RELN: variants seen among roughly 807,000 people sequenced by gnomAD.
RELN encodes the protein reelin.
In RELN, 108 loss-of-function variants were observed where a neutral mutation model predicts 427.6. The observed-to-expected ratio is 0.25, with a 90% CI of 0.22 to 0.30. RELN has a LOEUF of 0.30. Among genes scored for constraint, RELN ranks in the 10% least tolerant of loss-of-function variants. The pLI is 1.00. For synonymous variants in RELN, 1,524 were observed against 1,513.4 expected (o/e 1.01, Z -0.16); for missense variants, 3,715 against 4,302.8 (o/e 0.86, Z 3.82).
In RELN at chr7:103,486,422, G is replaced by T; in HGVS notation, c.9764-6C>A. ...GAAAACAGAGCAGTCATCACCTAGAGGACAAGGAGCAGTCACAGAAATTAA... is the reference window on the plus strand; with the variant it reads ...GAAAACAGAGCAGTCATCACCTAGATGACAAGGAGCAGTCACAGAAATTAA... On this transcript the variant is annotated splice_region_variant and splice_polypyrimidine_tract_variant and intron_variant, in intron 60 of 64. Coordinates refer to ENST00000428762, the MANE Select transcript of RELN (RefSeq NM_005045.4). 1 of 1,609,210 alleles carries T rather than the reference G, an allele frequency of 6.2e-7. No individual in the cohort carries two copies. The highest frequency in any genetic ancestry group is 8.5e-7 in the Non-Finnish European group (1 of 1,175,666).
intron 1 of RELN, among the ~76,000 whole-genome samples, chr7:103,948,282 T>G (rs1048313422): frequency 2.6e-5 from 4 of 152,130 alleles, no homozygotes; most frequent in South Asian, 2.1e-4. Context: ...AACACACACA[T>G]GCACACACAC....
In RELN at chr7:103,989,046, C is replaced by A. The variant is rs569035777; in HGVS notation, c.226+85G>T. The A allele has an allele frequency of 3.0e-5, 37 of 1,216,310 alleles. No individual in the cohort carries two copies. Among genetic ancestry groups the A allele is most frequent in the Non-Finnish European group, 4.5e-5 (37 of 822,136 alleles). The allele number at this position is 1,216,310 out of a possible 1,614,324, so 75.3% of individuals were successfully genotyped here. On this transcript the variant is annotated intron_variant, in intron 1 of 64. Coordinates refer to ENST00000428762, the MANE Select transcript of RELN (RefSeq NM_005045.4). The surrounding 1 kb of genome is among the most constrained non-coding windows in gnomAD (Gnocchi z 4.9). Reference sequence around the variant, plus strand: ...GTTGTCATGGTTCTTGTTTCCAAGGCCCCTTGGAAGAAGGAAAGGGATGAG... The same window carrying A: ...GTTGTCATGGTTCTTGTTTCCAAGGACCCTTGGAAGAAGGAAAGGGATGAG...
At chr7:103,617,476 G>A (rs1404232816) in intron 20 of RELN, among the ~76,000 whole-genome samples, 1 of 151,768 alleles carries the variant, frequency 6.6e-6, no homozygotes, top group Non-Finnish European at 1.5e-5. Flanking sequence ...TTTCATAAAT[G>A]TCTATTGGAC....
chr7:103,576,707 G>T (rs1831011031), intron 28 of RELN, among the ~76,000 whole-genome samples: 1 of 152,100 alleles, frequency 6.6e-6, no homozygotes, highest in Non-Finnish European at 1.5e-5. Context: ...CTATTCACCT[G>T]CGCCTTCCCT....
chr7:103,474,530 G>C (rs960842249), intron 64 of RELN, among the ~76,000 whole-genome samples: 1 of 152,018 alleles, frequency 6.6e-6, no homozygotes, highest in Non-Finnish European at 1.5e-5. Flanking sequence ...ATCAGTTTCA[G>C]TGTCACAGTT....
intron 2 of RELN, among the ~76,000 whole-genome samples, chr7:103,874,958 T>C (rs974168743): frequency 4.1e-5 from 6 of 146,424 alleles, no homozygotes; most frequent in African/African-American, 1.2e-4. Flanking sequence ...CTTCAAACTA[T>C]ACTACAAGGC....
At chr7:103,980,000 A>T (rs985709687) in intron 1 of RELN, among the ~76,000 whole-genome samples, 1 of 152,056 alleles carries the variant, frequency 6.6e-6, no homozygotes, top group Non-Finnish European at 1.5e-5. Context: ...TGTCTCTACT[A>T]AAAATACAAA....
intron 22 of RELN, among the ~76,000 whole-genome samples, chr7:103,607,927 A>G (rs1482394486): frequency 2.6e-5 from 4 of 152,220 alleles, no homozygotes; most frequent in African/African-American, 9.6e-5. Flanking sequence ...TCATTGGGTA[A>G]CAAATGTTCA....
chr7:103,689,307 C>G (rs1450254723), intron 10 of RELN, among the ~76,000 whole-genome samples: 1 of 10,088 alleles, frequency 9.9e-5, no homozygotes, highest in African/African-American at 5.3e-4. Flanking sequence ...GGGAAGATTT[C>G]TTAAAAATAA....
chr7:103,930,868 A>ACGTG (rs1795847276), intron 1 of RELN, among the ~76,000 whole-genome samples: 2 of 141,902 alleles, frequency 1.4e-5, no homozygotes, highest in African/African-American at 5.2e-5. Flanking sequence ...GTGTGAGCAT[A>ACGTG]TGTGTGTGTG....
At chr7:103,506,413 C>T (rs1829213446) in intron 51 of RELN, among the ~76,000 whole-genome samples, 1 of 152,172 alleles carries the variant, frequency 6.6e-6, no homozygotes, top group African/African-American at 2.4e-5. Flanking sequence ...ATTCAACATT[C>T]TTAAAGAAAA....
chr7:103,486,542 A>C, intron 60 of RELN, 126 bp from the exon 61 acceptor site: 1 of 762,584 alleles, frequency 1.3e-6, no homozygotes, highest in South Asian at 1.6e-5. Flanking sequence ...CAAGGAACTT[A>C]AACAACTTTA....
At chr7:103,841,865 A>T (rs1793559388) in intron 2 of RELN, among the ~76,000 whole-genome samples, 1 of 152,130 alleles carries the variant, frequency 6.6e-6, no homozygotes, top group South Asian at 2.1e-4. Context: ...GGATTACTCA[A>T]ATCTCTTTAG....
intron 28 of RELN, 83 bp from the exon 29 acceptor site, chr7:103,575,788 C>T: frequency 6.9e-7 from 1 of 1,441,058 alleles, no homozygotes; most frequent in South Asian, 1.2e-5. Flanking sequence ...CAGAAAAACT[C>T]AACAGAGACT....
At chr7:103,930,906 G>GTGTGTA (rs1795849841) in intron 1 of RELN, among the ~76,000 whole-genome samples, 1 of 143,352 alleles carries the variant, frequency 7.0e-6, no homozygotes, top group Non-Finnish European at 1.5e-5. Flanking sequence ...GTGTGTGTGT[G>GTGTGTA]TGTGTCTCCT....
At position 103,594,500 on chromosome 7, in the gene RELN, A is replaced by T; in HGVS notation, c.3540-8T>A. 1 of 1,613,774 alleles carries T rather than the reference A, an allele frequency of 6.2e-7. No homozygotes were observed. The highest frequency in any genetic ancestry group is 2.2e-5 in the East Asian group (1 of 44,868). On this transcript the variant is annotated splice_region_variant and splice_polypyrimidine_tract_variant and intron_variant, in intron 25 of 64. Transcript: ENST00000428762. ...AGCTCCAGATAGACAAATCTGAATAAAAGTAAATCATTTACGGTTGGGAAA... is the reference window on the plus strand; with the variant it reads ...AGCTCCAGATAGACAAATCTGAATATAAGTAAATCATTTACGGTTGGGAAA...
intron 43 of RELN, 105 bp downstream of exon 43, chr7:103,542,626 G>T (rs1032789320): frequency 1.7e-6 from 2 of 1,173,182 alleles, no homozygotes. Flanking sequence ...TATTTACAAT[G>T]GAAGGCCTTG....
In RELN at chr7:103,594,377, T is replaced by A; in HGVS notation, c.3655A>T (p.Ile1219Phe). 6.2e-7 allele frequency: 1 copy of A among 1,614,026 alleles called. No individual in the cohort carries two copies. The highest frequency in any genetic ancestry group is 8.5e-7 in the Non-Finnish European group (1 of 1,179,934). Residue 1219 changes from isoleucine (I) to phenylalanine (F), a missense_variant, in exon 26 of 65, where the codon ATT becomes TTT. Ile to Phe is a conservative substitution (Grantham distance 21, BLOSUM62 0). Around this residue, in one of 4 missense-constraint regions of RELN, gnomAD observed 2,208 missense variants for 2,361.7 expected, o/e 0.93. Transcript: ENST00000428762. ...YDQWAVDDII[I>F]LSEKQKQIIP... ...ATCTGCTTCTGCTTCTCGGACAGAATGATGATGTCATCGACTGCCCACTGG... is the reference window on the plus strand; with the variant it reads ...ATCTGCTTCTGCTTCTCGGACAGAAAGATGATGTCATCGACTGCCCACTGG...
chr7:103,833,403 C>T, intron 3 of RELN, 134 bp downstream of exon 3: 2 of 925,124 alleles, frequency 2.2e-6, no homozygotes, highest in South Asian at 2.9e-5. Flanking sequence ...CCTTTTTTGG[C>T]AACAAAATTA....
Sources: gnomAD v4.1 joint callset for allele counts (sites outside exome capture counted in the v4.1 genomes callset) on GRCh38, gnomAD v4.1.1 for gene constraint, gnomAD v4.1.1 regional missense constraint, Gnocchi (gnomAD v3.1) non-coding constraint, MANE v1.5 for transcripts, NCBI Gene and HGNC (gene_info 2026-07-23, HGNC 2026-07-21) for gene names.